Variants in OSBPL8 observed in about 807,000 individuals in gnomAD.
OSBPL8 encodes oxysterol-binding protein-related protein 8.
Under a neutral mutation model 125.5 loss-of-function variants are expected in OSBPL8, and 59 were observed. That is an observed-to-expected ratio of 0.47 (90% CI 0.38 to 0.58). The LOEUF is 0.58. Among genes scored for constraint, OSBPL8 ranks in the 20% least tolerant of loss-of-function variants. The pLI, the probability that OSBPL8 is intolerant of heterozygous loss-of-function variation, is 0.00. For missense variants in OSBPL8, 758 were observed against 1,047.8 expected (o/e 0.72, Z 3.82); for synonymous variants, 330 against 338.9 (o/e 0.97, Z 0.29).
At chr12:76,527,781 G>A (rs1244156898) in intron 1 of OSBPL8, among the ~76,000 whole-genome samples, 1 of 152,092 alleles carries the variant, frequency 6.6e-6, no homozygotes, top group African/African-American at 2.4e-5. Context: ...ATTTTATAAT[G>A]GACAGCAAGA....
In OSBPL8 at chr12:76,384,244, GA is replaced by G; in HGVS notation, c.1630+9del. 6.8e-7 allele frequency: 1 copy of G among 1,463,608 alleles called. No individual in the cohort carries two copies. Among genetic ancestry groups the G allele is most frequent in the Non-Finnish European group, 9.3e-7 (1 of 1,075,234 alleles). The allele number at this position is 1,463,608 out of a possible 1,614,324, so 90.7% of individuals were successfully genotyped here. A position where few individuals can be genotyped will look rare whatever the true frequency, so the allele number is the denominator to read the frequency against. On this transcript the variant is annotated intron_variant, in intron 15 of 23. Transcript: ENST00000261183. ...CAGGAGAGGGTGCAAGTTGGGACGG[GA>G]AAACTCACCATAAAACTTAGACTTA...
At chr12:76,464,281 T>C (rs940535858) in intron 2 of OSBPL8, among the ~76,000 whole-genome samples, 21 of 152,206 alleles carry the variant, frequency 1.4e-4, no homozygotes, top group African/African-American at 5.1e-4. Flanking sequence ...AGTGAGACCC[T>C]GTCTCTAAAA....
chr12:76,427,815 C>T (rs1038803247), intron 4 of OSBPL8, among the ~76,000 whole-genome samples: 2 of 151,962 alleles, frequency 1.3e-5, no homozygotes, highest in South Asian at 2.1e-4. Context: ...TAAACATATA[C>T]TTATTTAAAA....
intron 1 of OSBPL8, among the ~76,000 whole-genome samples, chr12:76,505,864 T>G (rs1486038389): frequency 6.6e-6 from 1 of 152,192 alleles, no homozygotes; most frequent in Non-Finnish European, 1.5e-5. Context: ...AGAAGGACTT[T>G]AATTTTTTTA....
chr12:76,435,675 A>G (rs1403771403), intron 4 of OSBPL8, among the ~76,000 whole-genome samples: 1 of 152,150 alleles, frequency 6.6e-6, no homozygotes, highest in Non-Finnish European at 1.5e-5. Context: ...ACATGCCAAT[A>G]AAGCTAAAAA....
At chr12:76,518,153 G>A (rs755655718) in intron 1 of OSBPL8, among the ~76,000 whole-genome samples, 3 of 152,172 alleles carry the variant, frequency 2.0e-5, no homozygotes, top group Non-Finnish European at 2.9e-5. Flanking sequence ...CTATGAGCCT[G>A]TAAAATCAAA....
chr12:76,436,104 C>T (rs973591175), intron 4 of OSBPL8, among the ~76,000 whole-genome samples: 10 of 152,060 alleles, frequency 6.6e-5, no homozygotes, highest in East Asian at 3.8e-4. Flanking sequence ...TATTCTAGAA[C>T]GGCAAGCCTG....
intron 1 of OSBPL8, among the ~76,000 whole-genome samples, chr12:76,496,163 T>C (rs991361270): frequency 1.5e-5 from 2 of 135,382 alleles, no homozygotes; most frequent in Non-Finnish European, 3.4e-5. Flanking sequence ...GTTTCATGTC[T>C]GTAGTATTTT....
chr12:76,369,202 T>C lies in OSBPL8; in HGVS notation c.2328+12A>G. On this transcript the variant is annotated intron_variant, in intron 21 of 23. Transcript: ENST00000261183. ...TTTATATACCTAGTGTACCTAGTTT[T>C]TTATTACATACCATTGGAGTACGAT... is the stretch of plus-strand genomic sequence containing the variant. 6.2e-7 allele frequency: 1 copy of C among 1,605,380 alleles called. No homozygotes were observed. Among genetic ancestry groups the C allele is most frequent in the Non-Finnish European group, 8.5e-7 (1 of 1,177,536 alleles).
intron 2 of OSBPL8, among the ~76,000 whole-genome samples, chr12:76,470,256 AC>A (rs1414284573): frequency 2.0e-5 from 3 of 152,184 alleles, no homozygotes; most frequent in Non-Finnish European, 4.4e-5. Flanking sequence ...GAAAAACTTT[AC>A]TGCCCACTAA....
At chr12:76,418,501 T>C (rs573116103) in intron 4 of OSBPL8, among the ~76,000 whole-genome samples, 1 of 152,244 alleles carries the variant, frequency 6.6e-6, no homozygotes. Flanking sequence ...CCAGGCTGAC[T>C]TCCACATTTT....
At chr12:76,523,067 G>T (rs1020139417) in intron 1 of OSBPL8, among the ~76,000 whole-genome samples, 1 of 152,068 alleles carries the variant, frequency 6.6e-6, no homozygotes, top group Non-Finnish European at 1.5e-5. Context: ...TGAACTCCTG[G>T]GATAAAGTGA....
chr12:76,366,484 G>A (rs1481579219), intron 21 of OSBPL8: 8 of 352,014 alleles, frequency 2.3e-5, no homozygotes, highest in Admixed American at 3.8e-5. Flanking sequence ...TTTTATCAAA[G>A]AGCAACTTTT....
At chr12:76,384,466 A>G in intron 14 of OSBPL8, 116 bp from the exon 15 acceptor site, 1 of 515,828 alleles carries the variant, frequency 1.9e-6, no homozygotes, top group East Asian at 3.4e-5. Flanking sequence ...TATAATGAGT[A>G]AGAAAAAACA....
rs1332833246 is a variant in OSBPL8, at chr12:76,362,084, A to AG, written c.2329-3274dup. Among the ~76,000 whole-genome samples the AG allele has an allele frequency of 2.0e-5, 3 of 152,196 alleles. No individual in the cohort carries two copies. In the East Asian group the frequency reaches 5.8e-4, roughly 29 times the overall value. On this transcript the variant is annotated intron_variant, in intron 21 of 23. Coordinates refer to ENST00000261183, the MANE Select transcript of OSBPL8 (RefSeq NM_020841.5). ...TTTCTATAATATGTAATAAGCAGGCAGGTTTGGCCCATACTCCTACTTCAA... is the reference window on the plus strand; with the variant it reads ...TTTCTATAATATGTAATAAGCAGGCAGGGTTTGGCCCATACTCCTACTTCAA...
At chr12:76,422,681 C>T in intron 4 of OSBPL8, 1 of 454,644 alleles carries the variant, frequency 2.2e-6, no homozygotes, top group Non-Finnish European at 4.4e-6. Flanking sequence ...AATGTATATG[C>T]TCACCCAAAG....
intron 1 of OSBPL8, among the ~76,000 whole-genome samples, chr12:76,554,876 CTCT>C (rs1412983211): frequency 6.6e-6 from 1 of 152,118 alleles, no homozygotes; most frequent in Admixed American, 6.5e-5. Flanking sequence ...AGGCTCAAGA[CTCT>C]TCTTAGTCTT....
At chr12:76,544,220 G>A (rs975064869) in intron 1 of OSBPL8, among the ~76,000 whole-genome samples, 1 of 152,104 alleles carries the variant, frequency 6.6e-6, no homozygotes, top group African/African-American at 2.4e-5. Context: ...GACAAAAGAA[G>A]AAACAGTTTC....
intron 4 of OSBPL8, among the ~76,000 whole-genome samples, chr12:76,443,354 T>C (rs1402671267): frequency 6.6e-6 from 1 of 152,112 alleles, no homozygotes; most frequent in East Asian, 1.9e-4. Context: ...GCTTTGATAA[T>C]AATCTCAAAC....
Sources: allele counts gnomAD v4.1 joint callset (sites outside exome capture counted in the v4.1 genomes callset), GRCh38; gene constraint gnomAD v4.1.1; transcripts MANE v1.5; gene names NCBI Gene and HGNC (gene_info 2026-07-23, HGNC 2026-07-21).